LRP12: variants seen among roughly 807,000 people sequenced by gnomAD.
The protein encoded by LRP12 is low-density lipoprotein receptor-related protein 12.
Under a neutral mutation model 66.0 loss-of-function variants are expected in LRP12, and 14 were observed. The observed-to-expected ratio is 0.21, with a 90% CI of 0.14 to 0.33. The LOEUF is 0.33. Among genes scored for constraint, LRP12 ranks in the 10% least tolerant of loss-of-function variants. LRP12 has a pLI of 1.00. For synonymous variants in LRP12, 357 were observed against 359.1 expected (o/e 0.99, Z 0.07); for missense variants, 889 against 1,053.4 (o/e 0.84, Z 2.16).
At chr8:104,565,806 A>C (rs1811989583) in intron 1 of LRP12, among the ~76,000 whole-genome samples, 1 of 151,154 alleles carries the variant, frequency 6.6e-6, no homozygotes, top group Non-Finnish European at 1.5e-5. Flanking sequence ...GCTTGCAGTG[A>C]ACCGAGATCG....
intron 4 of LRP12, among the ~76,000 whole-genome samples, chr8:104,498,691 A>ATG (rs1810777317): frequency 6.6e-6 from 1 of 152,188 alleles, no homozygotes; most frequent in South Asian, 2.1e-4. Context: ...CAATCAACGT[A>ATG]TGTGTGTATG....
intron 1 of LRP12, among the ~76,000 whole-genome samples, chr8:104,568,697 T>C (rs1016682980): frequency 6.6e-6 from 1 of 151,934 alleles, no homozygotes; most frequent in African/African-American, 2.4e-5. Context: ...CAGTACCCAT[T>C]AGGGAGATGA....
intron 3 of LRP12, chr8:104,508,630 T>A (rs1018435753): frequency 1.9e-5 from 4 of 205,720 alleles, no homozygotes; most frequent in African/African-American, 9.2e-5. Context: ...ATTTGTTTGT[T>A]CCACTGCCAA....
chr8:104,521,622 T>C (rs1249230333), intron 2 of LRP12, among the ~76,000 whole-genome samples: 1 of 151,458 alleles, frequency 6.6e-6, no homozygotes, highest in Non-Finnish European at 1.5e-5. Flanking sequence ...TATATATATA[T>C]ATATCAAGAA....
intron 1 of LRP12, among the ~76,000 whole-genome samples, chr8:104,548,219 ATATGATATATT>A (rs1161328138): frequency 1.9e-4 from 20 of 103,572 alleles, no homozygotes; most frequent in African/African-American, 7.5e-4. Context: ...TTATATTAAT[ATATGATATATT>A]TATATTAATA....
chr8:104,492,159 A>G (rs1220248747), intron 6 of LRP12, among the ~76,000 whole-genome samples: 1 of 152,206 alleles, frequency 6.6e-6, no homozygotes, highest in Non-Finnish European at 1.5e-5. Flanking sequence ...ACAAGAAACA[A>G]CAAAAGAACC....
chr8:104,567,271 A>C (rs1001190781), intron 1 of LRP12, among the ~76,000 whole-genome samples: 4 of 152,136 alleles, frequency 2.6e-5, no homozygotes, highest in Non-Finnish European at 4.4e-5. Flanking sequence ...GGCTGTGGAG[A>C]CCTCAGAATC....
chr8:104,527,950 G>A (rs908994566), intron 2 of LRP12, among the ~76,000 whole-genome samples: 1 of 151,964 alleles, frequency 6.6e-6, no homozygotes, highest in Non-Finnish European at 1.5e-5. Context: ...CACCCTCCTT[G>A]GCACAAGGTC....
chr8:104,588,970 A>ACACCGCCGC lies in LRP12; in HGVS notation c.-74_-73insGCGGCGGTG. ...GAGAAGCTGGAGGTAGACGACGCCG[A>ACACCGCCGC]CGCCGCCGCCGCCGCCGCCGCCGCC... On this transcript the variant is annotated 5_prime_UTR_variant, in exon 1 of 7. Transcript: ENST00000276654. 1 of 600,560 alleles carries ACACCGCCGC rather than the reference A, an allele frequency of 1.7e-6. No individual in the cohort carries two copies. Among genetic ancestry groups the ACACCGCCGC allele is most frequent in the South Asian group, 2.4e-5 (1 of 41,944 alleles). 37.2% of individuals were successfully genotyped at this position (600,560 alleles called of 1,614,324 possible).
intron 1 of LRP12, among the ~76,000 whole-genome samples, chr8:104,552,035 A>G (rs1811733556): frequency 6.6e-6 from 1 of 152,228 alleles, no homozygotes; most frequent in Non-Finnish European, 1.5e-5. Flanking sequence ...AGAATGTATA[A>G]AGAGAAAGCT....
intron 1 of LRP12, among the ~76,000 whole-genome samples, chr8:104,548,619 T>TTTTG (rs1564142503): frequency 0.014 from 1,564 of 109,662 alleles, 30 homozygotes; most frequent in Middle Eastern, 0.026. Context: ...ATTAAATTAA[T>TTTTG]TATATAATTA....
In LRP12 at chr8:104,499,536, AAATGT is replaced by A. The variant is rs773763289; in HGVS notation, c.273-22_273-18del. Reference sequence around the variant, plus strand: ...TCCTGAAAACTGAAAAAAAAATCAGAAATGTCTATTAAAAAGTCAATTTTGGAAAA... The same window carrying A: ...TCCTGAAAACTGAAAAAAAAATCAGACTATTAAAAAGTCAATTTTGGAAAA... On this transcript the variant is annotated intron_variant, in intron 3 of 6. Transcript: ENST00000276654. 1 of 1,567,500 alleles carries A rather than the reference AAATGT, an allele frequency of 6.4e-7. No individual in the cohort carries two copies. The highest frequency in any genetic ancestry group is 1.2e-5 in the South Asian group (1 of 84,932).
chr8:104,522,809 A>G (rs1451258837), intron 2 of LRP12, among the ~76,000 whole-genome samples: 4 of 152,122 alleles, frequency 2.6e-5, no homozygotes, highest in Non-Finnish European at 5.9e-5. Context: ...TTGCGATGTT[A>G]CAACTCCAGG....
rs1178216306 is a variant in LRP12, at chr8:104,491,407, C to T, written c.1846G>A (p.Gly616Arg). 1 of 1,613,968 alleles carries T rather than the reference C, an allele frequency of 6.2e-7. No individual in the cohort carries two copies. The highest frequency in any genetic ancestry group is 1.3e-5 in the African/African-American group (1 of 74,888). The change falls in exon 7 of 7, where the codon GGG (glycine) becomes AGG (arginine). Residue 616 changes from glycine to arginine, a missense_variant. By Grantham distance (125) the Gly-to-Arg change is moderately radical. Around this residue, in one of 3 missense-constraint regions of LRP12, gnomAD observed 800 missense variants for 964.5 expected, o/e 0.83. Transcript: ENST00000276654. ...TCTGCTGAGACCAAAGCCAATGACC[C>T]AGAATGACGTGATCTTGCAAAATTA... ...IFNFARSRHS[G>R]SLALVSADGD...
In LRP12 at chr8:104,561,318, T is replaced by C. The variant is rs79695271; in HGVS notation, c.79+27501A>G. On this transcript the variant is annotated intron_variant, in intron 1 of 6. Coordinates refer to ENST00000276654, the MANE Select transcript of LRP12 (RefSeq NM_013437.5). Reference sequence around the variant, plus strand: ...TTCATACGTATGACAGAAGAAGACATACACTGTCTCCTTACCCTACTTTTC... The same window carrying C: ...TTCATACGTATGACAGAAGAAGACACACACTGTCTCCTTACCCTACTTTTC... Among the ~76,000 whole-genome samples the C allele has an allele frequency of 5.3e-3, 812 of 152,250 alleles. 9 individuals are homozygous for C. The highest frequency in any genetic ancestry group is 0.019 in the African/African-American group (773 of 41,550).
intron 1 of LRP12, among the ~76,000 whole-genome samples, chr8:104,559,330 T>C (rs1811865670): frequency 1.3e-5 from 2 of 152,310 alleles, no homozygotes; most frequent in South Asian, 4.1e-4. Context: ...TAGAGACCAT[T>C]ATTCTATGTG....
At chr8:104,504,322 T>G (rs1195031580) in intron 3 of LRP12, 2 of 152,136 alleles carry the variant, frequency 1.3e-5, no homozygotes, top group Non-Finnish European at 2.9e-5. Flanking sequence ...TATTGAATTT[T>G]ATTGCGTATT....
intron 1 of LRP12, among the ~76,000 whole-genome samples, chr8:104,544,511 A>G (rs994234955): frequency 6.6e-6 from 1 of 152,182 alleles, no homozygotes; most frequent in African/African-American, 2.4e-5. Context: ...CCTGGCTTCA[A>G]AGCTTCAAAG....
intron 1 of LRP12, among the ~76,000 whole-genome samples, chr8:104,564,434 GA>G (rs907722711): frequency 6.6e-6 from 1 of 152,076 alleles, no homozygotes; most frequent in African/African-American, 2.4e-5. Flanking sequence ...AGACATTCTA[GA>G]ATCGCGCATT....
Sources: gnomAD v4.1 joint callset for allele counts (sites outside exome capture counted in the v4.1 genomes callset) on GRCh38, gnomAD v4.1.1 for gene constraint, gnomAD v4.1.1 regional missense constraint, MANE v1.5 for transcripts, NCBI Gene and HGNC (gene_info 2026-07-23, HGNC 2026-07-21) for gene names.